YIF1B: variants seen among roughly 807,000 people sequenced by gnomAD.
YIF1B encodes protein YIF1B.
Under a neutral mutation model 34.6 loss-of-function variants are expected in YIF1B, and 24 were observed. The observed-to-expected ratio is 0.69, with a 90% CI of 0.50 to 0.98. The LOEUF is 0.98. Among genes scored for constraint, YIF1B ranks in the 50% least tolerant of loss-of-function variants. The pLI, the probability that YIF1B is intolerant of heterozygous loss-of-function variation, is 0.00. For missense variants in YIF1B, 368 were observed against 429.4 expected, an observed-to-expected ratio of 0.86 and a Z score of 1.26; for synonymous variants, 186 against 184.8, an observed-to-expected ratio of 1.01 and a Z score of -0.05.
At chr19:38,319,229 T>C (rs758839281), upstream of YIF1B, among the ~76,000 whole-genome samples, 3 of 152,098 alleles carry the variant, frequency 2.0e-5, no homozygotes, top group Non-Finnish European at 4.4e-5. Flanking sequence ...CCCGAGTAGC[T>C]GGGACAACAG....
intron 1 of YIF1B, chr19:38,309,916 C>A: frequency 1.7e-6 from 2 of 1,155,092 alleles, no homozygotes; most frequent in Non-Finnish European, 2.3e-6. Context: ...ATCTACCCAC[C>A]CTCCCACTCA....
chr19:38,309,688 T>G, intron 1 of YIF1B, 45 bp from the exon 2 acceptor site: 1 of 1,565,282 alleles, frequency 6.4e-7, no homozygotes, highest in Non-Finnish European at 8.6e-7. Flanking sequence ...CCAGGATAGG[T>G]AAGGGAGACC....
Position 38,306,349 on chromosome 19 carries a change from C to T in YIF1B, c.790-842G>A, listed in dbSNP as rs186114365. On this transcript the variant is annotated intron_variant, in intron 7 of 7. Transcript: ENST00000339413. Reference sequence around the variant, plus strand: ...ACCTCAGCCTCCTGAGTAGCTGGGACTACAGGTGCACACTGCTATGCCTGG... The same window carrying T: ...ACCTCAGCCTCCTGAGTAGCTGGGATTACAGGTGCACACTGCTATGCCTGG... Among the ~76,000 whole-genome samples the T allele has an allele frequency of 8.6e-5, 13 of 151,976 alleles. No homozygotes were observed. The East Asian group carries it at 2.1e-3, about 25-fold the overall frequency.
In YIF1B at chr19:38,304,396, A is replaced by C. The variant is rs901395702; in HGVS notation, c.*956T>G. ...ACAGCCCTGGAGCCCACCTCCCAGA[A>C]GCCCGGTGTGGGGGCGGGCCACGGG... On this transcript the variant is annotated 3_prime_UTR_variant, in exon 8 of 8. Transcript: ENST00000339413. 1.3e-6 allele frequency: 2 copies of C among 1,576,520 alleles called. No individual in the cohort carries two copies. Among genetic ancestry groups the C allele is most frequent in the African/African-American group, 2.7e-5 (2 of 74,512 alleles).
upstream of YIF1B, chr19:38,319,694 C>T (rs1969622906): frequency 2.2e-6 from 1 of 455,642 alleles, no homozygotes; most frequent in South Asian, 4.5e-5. Context: ...CCTTTCCATC[C>T]CGTTGGTCTG....
upstream of YIF1B, among the ~76,000 whole-genome samples, chr19:38,317,921 T>A (rs891501821): frequency 6.6e-6 from 1 of 151,224 alleles, no homozygotes; most frequent in Non-Finnish European, 1.5e-5. Flanking sequence ...TACTGCCAAG[T>A]GCAGCGGATC....
Position 38,307,671 on chromosome 19 carries a change from G to A in YIF1B, c.621C>T (p.Ser207=). ...CGGTGTTGACAGTGACCAGATAGAG[G>A]CTGAGCAGGATGGCCAGCACCTCCA... ...LTLEVLAILL[S]LYLVTVNTDL... The change falls in exon 6 of 8, where the codon AGC becomes AGT. Residue 207 remains serine (S), a synonymous_variant. Coordinates refer to ENST00000339413, the MANE Select transcript of YIF1B (RefSeq NM_001039672.3). 1 of 1,613,786 alleles carries A rather than the reference G, an allele frequency of 6.2e-7. No individual in the cohort carries two copies. Among genetic ancestry groups the A allele is most frequent in the Non-Finnish European group, 8.5e-7 (1 of 1,179,992 alleles).
At chr19:38,308,899 T>C in intron 4 of YIF1B, 50 bp from the exon 5 acceptor site, 1 of 1,613,568 alleles carries the variant, frequency 6.2e-7, no homozygotes, top group Non-Finnish European at 8.5e-7. Context: ...AGAACTGCCC[T>C]GGGCCTCCAG....
Position 38,305,240 on chromosome 19 carries a change from G to C in YIF1B, c.*112C>G. The C allele has an allele frequency of 6.8e-7, 1 of 1,465,400 alleles. No individual in the cohort carries two copies. Among genetic ancestry groups the C allele is most frequent in the Non-Finnish European group, 9.1e-7 (1 of 1,103,272 alleles). The allele number at this position is 1,465,400 out of a possible 1,614,324, so 90.8% of individuals were successfully genotyped here. On this transcript the variant is annotated 3_prime_UTR_variant, in exon 8 of 8. Transcript: ENST00000339413. ...GCTGGGCGGGACATGGGATGGAGGC[G>C]GTGCCTGTGGCCAGACAGGGTGGAC...
At chr19:38,313,393 G>C (rs1354235379) in intron 1 of YIF1B, among the ~76,000 whole-genome samples, 1 of 151,888 alleles carries the variant, frequency 6.6e-6, no homozygotes, top group East Asian at 1.9e-4. Flanking sequence ...CAAGTAGCTG[G>C]GACTACAGAC....
At chr19:38,309,368 G>A (rs750464906) in intron 2 of YIF1B, 37 bp downstream of exon 2, 24 of 1,612,904 alleles carry the variant, frequency 1.5e-5, no homozygotes, top group South Asian at 1.1e-4. Context: ...CTGTGGCCCC[G>A]TGCATCCCCC....
rs1212978644 is a variant in YIF1B, at chr19:38,303,786, A to G, written c.*1566T>C. Among the ~76,000 whole-genome samples the G allele has an allele frequency of 6.6e-6, 1 of 152,222 alleles. No individual in the cohort carries two copies. Among genetic ancestry groups the G allele is most frequent in the African/African-American group, 2.4e-5 (1 of 41,454 alleles). On this transcript the variant is annotated 3_prime_UTR_variant, in exon 8 of 8. Coordinates refer to ENST00000339413, the MANE Select transcript of YIF1B (RefSeq NM_001039672.3). ...CATCTAGTGCAGCAGGCTGGCTCCA[A>G]GTCTATGCCCCTCACCCCTCAGACG... is the stretch of plus-strand genomic sequence containing the variant.
In YIF1B at chr19:38,303,611, G is replaced by T. The variant is rs1320260064; in HGVS notation, c.*1741C>A. 6.6e-6 allele frequency among the ~76,000 whole-genome samples: 1 copy of T among 152,202 alleles called. No individual in the cohort carries two copies. The highest frequency in any genetic ancestry group is 1.9e-4 in the East Asian group (1 of 5,190). Reference sequence around the variant, plus strand: ...TTTTTAAAAAACCAACACATTATCAGTACTTCATGCCAGACACCATTCTAG... The same window carrying T: ...TTTTTAAAAAACCAACACATTATCATTACTTCATGCCAGACACCATTCTAG... On this transcript the variant is annotated 3_prime_UTR_variant, in exon 8 of 8. Coordinates refer to ENST00000339413, the MANE Select transcript of YIF1B (RefSeq NM_001039672.3).
rs1313254417 is a variant in YIF1B at position 38,303,802 on chromosome 19, C to T, written c.*1550G>A. Among the ~76,000 whole-genome samples, 1 of 152,216 alleles carries T rather than the reference C, an allele frequency of 6.6e-6. No individual in the cohort carries two copies. Among genetic ancestry groups the T allele is most frequent in the African/African-American group, 2.4e-5 (1 of 41,450 alleles). ...CTGGCTCCAAGTCTATGCCCCTCAC[C>T]CCTCAGACGCTGCTCACCAAGCCGG... On this transcript the variant is annotated 3_prime_UTR_variant, in exon 8 of 8. Transcript: ENST00000339413.
chr19:38,315,479 A>C, intron 1 of YIF1B: 1 of 1,392,088 alleles, frequency 7.2e-7, no homozygotes, highest in East Asian at 2.8e-5. Context: ...TTCGCTTCTT[A>C]AATGAGCGGT....
chr19:38,312,147 G>A (rs1969351308), intron 1 of YIF1B, among the ~76,000 whole-genome samples: 1 of 151,196 alleles, frequency 6.6e-6, no homozygotes, highest in Non-Finnish European at 1.5e-5. Flanking sequence ...TAAGAGGCTG[G>A]GCATGGTGTC....
intron 7 of YIF1B, among the ~76,000 whole-genome samples, chr19:38,306,076 C>A (rs1969013791): frequency 6.6e-6 from 1 of 151,820 alleles, no homozygotes; most frequent in African/African-American, 2.4e-5. Flanking sequence ...GTGGTGAGTG[C>A]CTGTAGTCCC....
intron 1 of YIF1B, among the ~76,000 whole-genome samples, chr19:38,314,504 C>T (rs1444922319): frequency 6.6e-6 from 1 of 150,724 alleles, no homozygotes; most frequent in East Asian, 2.0e-4. Flanking sequence ...AATTTTTTTG[C>T]ATTTTTAGTA....
At chr19:38,314,616 CTTTTT>C (rs911022609) in intron 1 of YIF1B, among the ~76,000 whole-genome samples, 1 of 82,324 alleles carries the variant, frequency 1.2e-5, no homozygotes. Flanking sequence ...GGATCACCCT[CTTTTT>C]TTTTTTTTTT....
Sources: allele counts gnomAD v4.1 joint callset (sites outside exome capture counted in the v4.1 genomes callset), GRCh38; gene constraint gnomAD v4.1.1; transcripts MANE v1.5; gene names NCBI Gene and HGNC (gene_info 2026-07-23, HGNC 2026-07-21).